The following UBE2R2 variants were observed in gnomAD, a reference collection of about 807,000 sequenced individuals.
UBE2R2 encodes ubiquitin conjugating enzyme E2 R2.
A neutral mutation model predicts 27.8 loss-of-function variants in UBE2R2; 1 was observed. The observed-to-expected ratio is 0.04, with a 90% CI of 0.01 to 0.17. UBE2R2 has a LOEUF of 0.17. Ranked by LOEUF, UBE2R2 falls within the 10% of genes least tolerant of loss-of-function variation. The probability of loss-of-function intolerance (pLI) is 1.00; values close to 1 mark genes in which losing one functional copy is unlikely to be tolerated. For synonymous variants in UBE2R2, 106 were observed against 113.3 expected (o/e 0.94, Z 0.41); for missense variants, 100 against 291.0 (o/e 0.34, Z 4.78).
Position 33,917,342 on chromosome 9 carries a change from G to C in UBE2R2, c.*105G>C. On this transcript the variant is annotated 3_prime_UTR_variant, in exon 5 of 5. Transcript: ENST00000263228. ...CCTCAGCAAAAACCTATTCACAGCG[G>C]GTGGGGAAACACACACAGCTCCTGC... is the stretch of plus-strand genomic sequence containing the variant. The C allele has an allele frequency of 6.5e-7, 1 of 1,532,072 alleles. No homozygotes were observed. Among genetic ancestry groups the C allele is most frequent in the Non-Finnish European group, 8.7e-7 (1 of 1,143,140 alleles). 94.9% of individuals were successfully genotyped at this position (1,532,072 alleles called of 1,614,324 possible).
intron 1 of UBE2R2, among the ~76,000 whole-genome samples, chr9:33,821,669 G>A (rs1825984127): frequency 6.6e-6 from 1 of 151,354 alleles, no homozygotes; most frequent in African/African-American, 2.4e-5. Context: ...AGGCTGGAGT[G>A]CAGTGGCACG....
intron 1 of UBE2R2, among the ~76,000 whole-genome samples, chr9:33,818,260 C>A (rs1563977500): frequency 6.6e-6 from 1 of 151,774 alleles, no homozygotes; most frequent in East Asian, 1.9e-4. Context: ...GAGCGGTGGT[C>A]TATCTGTGCT....
chr9:33,884,281 TTTTC>T (rs1208353544), intron 1 of UBE2R2, among the ~76,000 whole-genome samples: 2 of 134,152 alleles, frequency 1.5e-5, no homozygotes, highest in Admixed American at 8.1e-5. Context: ...TATTTTTTCT[TTTTC>T]TTTCTTTTTT....
At chr9:33,873,270 T>C (rs751868748) in intron 1 of UBE2R2, among the ~76,000 whole-genome samples, 21 of 152,036 alleles carry the variant, frequency 1.4e-4, no homozygotes, top group Non-Finnish European at 2.1e-4. Context: ...TTTTTCTCTT[T>C]AATTTTGTGC....
chr9:33,858,386 AT>A lies in UBE2R2; in HGVS notation c.178-28494del, dbSNP rs1821154042. ...TTTTGTTAAGCACTTGGTTCTTTGA[AT>A]ATTTGTAATCTATAATAGAGTATAG... On this transcript the variant is annotated intron_variant, in intron 1 of 4. Coordinates refer to ENST00000263228, the MANE Select transcript of UBE2R2 (RefSeq NM_017811.4). Among the ~76,000 whole-genome samples, 3 of 152,220 alleles carry A rather than the reference AT, an allele frequency of 2.0e-5. No homozygotes were observed. The South Asian group carries it at 6.2e-4, about 32-fold the overall frequency.
At chr9:33,840,014 G>A (rs1820698234) in intron 1 of UBE2R2, among the ~76,000 whole-genome samples, 1 of 151,902 alleles carries the variant, frequency 6.6e-6, no homozygotes, top group African/African-American at 2.4e-5. Context: ...AAAAAATTCT[G>A]TTGTTTATAA....
chr9:33,908,549 C>T (rs1822415630), intron 3 of UBE2R2, among the ~76,000 whole-genome samples: 1 of 152,176 alleles, frequency 6.6e-6, no homozygotes, highest in Admixed American at 6.5e-5. Context: ...TTGACAGTTA[C>T]CACTATATTA....
chr9:33,825,909 G>A (rs1233758400), intron 1 of UBE2R2, among the ~76,000 whole-genome samples: 60 of 152,244 alleles, frequency 3.9e-4, no homozygotes, highest in Non-Finnish European at 1.5e-4. Flanking sequence ...TTGGGAGGCG[G>A]AGGTGGGCAG....
chr9:33,839,681 C>A (rs1480212843), intron 1 of UBE2R2, among the ~76,000 whole-genome samples: 1 of 152,124 alleles, frequency 6.6e-6, no homozygotes, highest in Non-Finnish European at 1.5e-5. Context: ...TTCCCAGTCT[C>A]CAGAACTGTG....
chr9:33,913,431 A>G (rs1441277007), intron 4 of UBE2R2, among the ~76,000 whole-genome samples: 2 of 151,658 alleles, frequency 1.3e-5, no homozygotes, highest in Admixed American at 1.3e-4. Context: ...GCTAATTTCT[A>G]TTATTATTTT....
intron 1 of UBE2R2, among the ~76,000 whole-genome samples, chr9:33,830,425 G>A (rs1178105947): frequency 3.4e-5 from 5 of 148,376 alleles, no homozygotes; most frequent in East Asian, 2.1e-4. Context: ...CCAAAGTGCT[G>A]GGATTACAGG....
intron 1 of UBE2R2, among the ~76,000 whole-genome samples, chr9:33,875,895 G>A (rs908456504): frequency 6.6e-6 from 1 of 152,050 alleles, no homozygotes. Context: ...AACTGAAATG[G>A]TATGAGATCT....
chr9:33,853,442 T>C lies in UBE2R2; in HGVS notation c.178-33439T>C, dbSNP rs540110421. Among the ~76,000 whole-genome samples the C allele has an allele frequency of 3.3e-5, 5 of 152,052 alleles. No homozygotes were observed. The South Asian group carries it at 1.0e-3, about 32-fold the overall frequency. On this transcript the variant is annotated intron_variant, in intron 1 of 4. Coordinates refer to ENST00000263228, the MANE Select transcript of UBE2R2 (RefSeq NM_017811.4). ...GCTGGGATTATGGCATGCACCACCA[T>C]GCCCGGCTAATTTTGTAGTTTTAGT...
chr9:33,912,393 G>A (rs968447568), intron 4 of UBE2R2, among the ~76,000 whole-genome samples: 3 of 152,140 alleles, frequency 2.0e-5, no homozygotes, highest in Admixed American at 2.0e-4. Context: ...GGGAGGCTGA[G>A]GCAGGCGGAT....
At position 33,920,190 on chromosome 9, in the gene UBE2R2, A is replaced by T. The variant is rs1360880431; in HGVS notation, c.*2953A>T. Reference sequence around the variant, plus strand: ...TTTACAACTAAAAGGATTCAGATGCAATTTTCAACTATTCTGAAACCAGCA... The same window carrying T: ...TTTACAACTAAAAGGATTCAGATGCTATTTTCAACTATTCTGAAACCAGCA... On this transcript the variant is annotated 3_prime_UTR_variant, in exon 5 of 5. Transcript: ENST00000263228. The T allele has an allele frequency of 1.3e-5, 2 of 152,652 alleles. No homozygotes were observed. The highest frequency in any genetic ancestry group is 4.8e-5 in the African/African-American group (2 of 41,458). 9.5% of individuals were successfully genotyped at this position (152,652 alleles called of 1,614,324 possible).
At chr9:33,817,956 A>T (rs761556044) in intron 1 of UBE2R2, 22 bp downstream of exon 1, 4 of 1,593,444 alleles carry the variant, frequency 2.5e-6, no homozygotes, top group Non-Finnish European at 3.4e-6. Flanking sequence ...CTCCTCCCGG[A>T]CCCTGCTTCC....
intron 3 of UBE2R2, among the ~76,000 whole-genome samples, chr9:33,904,692 C>T (rs1368544546): frequency 2.6e-5 from 4 of 152,168 alleles, no homozygotes; most frequent in Non-Finnish European, 5.9e-5. Flanking sequence ...AGAGAATCAG[C>T]CAACTGGTGT....
rs982595960 is a variant in UBE2R2, at chr9:33,817,913, C to G, written c.156C>G (p.Leu52=). 1.2e-6 allele frequency: 2 copies of G among 1,609,802 alleles called. No homozygotes were observed. The highest frequency in any genetic ancestry group is 1.3e-5 in the African/African-American group (1 of 74,620). The part of the protein sequence containing the change: ...EVAIFGPPNT[L]YEGGYFKAHI... ...CCATCTTCGGACCCCCCAACACCCT[C>G]TACGAAGGCGGCTACTTCAAGGTAC... Residue 52 remains leucine (L), a synonymous_variant, in exon 1 of 5, where the codon CTC becomes CTG. Transcript: ENST00000263228.
intron 1 of UBE2R2, among the ~76,000 whole-genome samples, chr9:33,861,870 T>C (rs1195301592): frequency 6.7e-6 from 1 of 148,638 alleles, no homozygotes; most frequent in Admixed American, 6.7e-5. Context: ...TTTTTTTTTT[T>C]TAAGACGGAG....
Sources: gnomAD v4.1 joint callset for allele counts (sites outside exome capture counted in the v4.1 genomes callset) on GRCh38, gnomAD v4.1.1 for gene constraint, MANE v1.5 for transcripts, NCBI Gene and HGNC (gene_info 2026-07-23, HGNC 2026-07-21) for gene names.